GRB14: variants seen among roughly 807,000 people sequenced by gnomAD.
GRB14 encodes the protein growth factor receptor-bound protein 14.
In GRB14, 38 loss-of-function variants were observed where a neutral mutation model predicts 69.1. The observed-to-expected ratio is 0.55, with a 90% CI of 0.42 to 0.72. The LOEUF (loss-of-function observed/expected upper bound fraction) is 0.72. GRB14 is among the 30% of genes least tolerant of loss of function. The probability of loss-of-function intolerance (pLI) is 0.00; values close to 1 mark genes in which losing one functional copy is unlikely to be tolerated. For missense variants in GRB14, 666 were observed against 666.1 expected, an observed-to-expected ratio of 1.00 and a Z score of 0.00; for synonymous variants, 247 against 241.3, an observed-to-expected ratio of 1.02 and a Z score of -0.22.
At chr2:164,520,715 C>T (rs1687614323) in intron 6 of GRB14, among the ~76,000 whole-genome samples, 1 of 151,882 alleles carries the variant, frequency 6.6e-6, no homozygotes, top group Non-Finnish European at 1.5e-5. Flanking sequence ...ATAAAAAACT[C>T]TCAAAAGAAG....
chr2:164,568,783 G>C (rs1689050342), intron 2 of GRB14, among the ~76,000 whole-genome samples: 1 of 151,922 alleles, frequency 6.6e-6, no homozygotes, highest in South Asian at 2.1e-4. Context: ...GTTTACATTG[G>C]TCTATTTAAA....
chr2:164,613,538 G>A (rs761846048), intron 2 of GRB14, among the ~76,000 whole-genome samples: 4 of 152,180 alleles, frequency 2.6e-5, no homozygotes, highest in African/African-American at 4.8e-5. Flanking sequence ...ACTTGAGGCC[G>A]CTGGCACTGA....
At chr2:164,510,503 T>C (rs1317359470) in intron 6 of GRB14, among the ~76,000 whole-genome samples, 2 of 152,134 alleles carry the variant, frequency 1.3e-5, no homozygotes, top group South Asian at 2.1e-4. Flanking sequence ...AATTTAGAAC[T>C]AAAACCAATC....
In GRB14 at chr2:164,492,996, C is replaced by A; in HGVS notation, c.*40G>T. On this transcript the variant is annotated 3_prime_UTR_variant, in exon 14 of 14. Transcript: ENST00000263915. ...TGGTCTTTTATTATTTTTCTTGAGT[C>A]CTTTTCCTTCAATAGTTTAATAAGT... 1 of 1,558,194 alleles carries A rather than the reference C, an allele frequency of 6.4e-7. No individual in the cohort carries two copies. Among genetic ancestry groups the A allele is most frequent in the Non-Finnish European group, 8.7e-7 (1 of 1,148,988 alleles).
intron 2 of GRB14, among the ~76,000 whole-genome samples, chr2:164,598,441 G>A (rs1689838197): frequency 6.6e-6 from 1 of 152,100 alleles, no homozygotes; most frequent in Non-Finnish European, 1.5e-5. Flanking sequence ...CTGTGCACAT[G>A]ATTATTTTTC....
At chr2:164,507,165 T>G (rs1003613747) in intron 8 of GRB14, among the ~76,000 whole-genome samples, 12 of 152,232 alleles carry the variant, frequency 7.9e-5, no homozygotes, top group African/African-American at 2.9e-4. Flanking sequence ...ATAATGATTC[T>G]GATTATTACT....
intron 3 of GRB14, among the ~76,000 whole-genome samples, chr2:164,540,096 TC>T (rs1688192764): frequency 6.6e-6 from 1 of 152,148 alleles, no homozygotes; most frequent in Admixed American, 6.5e-5. Flanking sequence ...CTCTGTGATG[TC>T]CTCTCCCATT....
chr2:164,619,701 A>T lies in GRB14; in HGVS notation c.310T>A (p.Ser104Thr), dbSNP rs1215688883. ...LSADLFPKAN[S>T]RKKQVIKVYS... is the part of the protein sequence containing the mutation. Reference sequence around the variant, plus strand: ...AAAATGCATACCTGTTTTTTCCTTGAATTTGCTTTGGGAAATAGGTCTGCT... The same window carrying T: ...AAAATGCATACCTGTTTTTTCCTTGTATTTGCTTTGGGAAATAGGTCTGCT... Residue 104 changes from serine to threonine, a missense_variant, in exon 2 of 14, where the codon TCA becomes ACA. By Grantham distance (58) the Ser-to-Thr change is moderately conservative. Coordinates refer to ENST00000263915, the MANE Select transcript of GRB14 (RefSeq NM_004490.3). 3.2e-6 allele frequency: 5 copies of T among 1,576,946 alleles called. No individual in the cohort carries two copies. The highest frequency in any genetic ancestry group is 3.4e-6 in the Non-Finnish European group (4 of 1,169,412).
At chr2:164,599,849 T>C (rs1689873784) in intron 2 of GRB14, among the ~76,000 whole-genome samples, 1 of 152,216 alleles carries the variant, frequency 6.6e-6, no homozygotes, top group African/African-American at 2.4e-5. Flanking sequence ...CATATCAGAA[T>C]CTTAATTCTT....
intron 6 of GRB14, 45 bp from the exon 7 acceptor site, chr2:164,508,897 C>CT: frequency 1.5e-6 from 2 of 1,325,570 alleles, no homozygotes; most frequent in East Asian, 2.4e-5. Flanking sequence ...TTTGCATTAT[C>CT]TTTTTTGTGT....
rs551960221 is a variant in GRB14, at chr2:164,528,830, A to G, written c.482-1695T>C. 5.9e-5 allele frequency among the ~76,000 whole-genome samples: 9 copies of G among 152,280 alleles called. 1 individual carries two copies. In the South Asian group the frequency reaches 1.9e-3, roughly 32 times the overall value. On this transcript the variant is annotated intron_variant, in intron 3 of 13. Transcript: ENST00000263915. ...TAACTACTATACTGTGCACCACCTC[A>G]AATACAGTATGTCTAAAACCAAAGT...
chr2:164,522,612 C>G (rs781282839), intron 5 of GRB14, among the ~76,000 whole-genome samples: 1 of 152,132 alleles, frequency 6.6e-6, no homozygotes, highest in Non-Finnish European at 1.5e-5. Flanking sequence ...ACAATCCTGA[C>G]TTCAATTGTG....
At chr2:164,613,283 C>T (rs1690208872) in intron 2 of GRB14, among the ~76,000 whole-genome samples, 1 of 151,688 alleles carries the variant, frequency 6.6e-6, no homozygotes, top group East Asian at 1.9e-4. Flanking sequence ...CTTTTTTTTC[C>T]CCTAGGACAC....
intron 2 of GRB14, among the ~76,000 whole-genome samples, chr2:164,566,138 C>A (rs1159724954): frequency 2.0e-5 from 3 of 152,108 alleles, no homozygotes; most frequent in Non-Finnish European, 2.9e-5. Flanking sequence ...TCCCCAAATT[C>A]TCTGAGAAAT....
At chr2:164,620,337 T>G (rs747865288) in intron 1 of GRB14, among the ~76,000 whole-genome samples, 1 of 152,160 alleles carries the variant, frequency 6.6e-6, no homozygotes, top group Non-Finnish European at 1.5e-5. Context: ...TCATCTCACT[T>G]CAAATTTCAT....
chr2:164,533,688 CAAAAA>C (rs1022634323), intron 3 of GRB14, among the ~76,000 whole-genome samples: 1 of 151,942 alleles, frequency 6.6e-6, no homozygotes, highest in Non-Finnish European at 1.5e-5. Flanking sequence ...GAAAATAAAA[CAAAAA>C]AGGTTGAAAA....
At chr2:164,503,286 T>C (rs1389873723) in intron 8 of GRB14, among the ~76,000 whole-genome samples, 1 of 151,514 alleles carries the variant, frequency 6.6e-6, no homozygotes, top group Non-Finnish European at 1.5e-5. Flanking sequence ...AAAGTTAGGT[T>C]TTATATAAAA....
chr2:164,528,261 T>A (rs903184488), intron 3 of GRB14, among the ~76,000 whole-genome samples: 1 of 152,012 alleles, frequency 6.6e-6, no homozygotes, highest in Non-Finnish European at 1.5e-5. Flanking sequence ...GTCCATTGAG[T>A]TGTGCACACT....
chr2:164,547,055 T>C (rs1157187934), intron 3 of GRB14, among the ~76,000 whole-genome samples: 1 of 151,564 alleles, frequency 6.6e-6, no homozygotes, highest in African/African-American at 2.4e-5. Flanking sequence ...CAATGACCTA[T>C]GGGCAAAAAC....
Sources: allele counts gnomAD v4.1 joint callset (sites outside exome capture counted in the v4.1 genomes callset), GRCh38; gene constraint gnomAD v4.1.1; transcripts MANE v1.5; gene names NCBI Gene and HGNC (gene_info 2026-07-23, HGNC 2026-07-21).